Variants in GRB14 observed in about 807,000 individuals in gnomAD.
The protein encoded by GRB14 is growth factor receptor-bound protein 14.
Under a neutral mutation model 69.1 loss-of-function variants are expected in GRB14, and 38 were observed. The observed-to-expected ratio is 0.55, with a 90% confidence interval of 0.42 to 0.72. The LOEUF (loss-of-function observed/expected upper bound fraction) is 0.72. Ranked by LOEUF, GRB14 falls within the 30% of genes least tolerant of loss-of-function variation. The probability of loss-of-function intolerance (pLI) is 0.00; values close to 1 mark genes in which losing one functional copy is unlikely to be tolerated. For synonymous variants in GRB14, 247 were observed against 241.3 expected (o/e 1.02, Z -0.22); for missense variants, 666 against 666.1 (o/e 1.00, Z 0.00).
At chr2:164,577,385 T>C (rs1259339476) in intron 2 of GRB14, among the ~76,000 whole-genome samples, 1 of 152,220 alleles carries the variant, frequency 6.6e-6, no homozygotes, top group East Asian at 1.9e-4. Flanking sequence ...GGGAGGGATC[T>C]GGTATGAACA....
intron 2 of GRB14, among the ~76,000 whole-genome samples, chr2:164,571,639 T>G (rs6752548): frequency 0.019 from 2,843 of 152,234 alleles, 111 homozygotes; most frequent in African/African-American, 0.065. Flanking sequence ...ACCCATTATG[T>G]GCCAGGCACT....
chr2:164,586,076 C>T (rs534715354), intron 2 of GRB14, among the ~76,000 whole-genome samples: 5 of 152,180 alleles, frequency 3.3e-5, no homozygotes, highest in Admixed American at 2.0e-4. Context: ...AGAAATAGAA[C>T]CTCGAGTTAT....
At chr2:164,589,348 C>A (rs1689606777) in intron 2 of GRB14, among the ~76,000 whole-genome samples, 1 of 152,190 alleles carries the variant, frequency 6.6e-6, no homozygotes, top group East Asian at 1.9e-4. Flanking sequence ...ATCCTATATC[C>A]TTTGTCTTAG....
chr2:164,515,690 G>A (rs1174368000), intron 6 of GRB14, among the ~76,000 whole-genome samples: 1 of 151,582 alleles, frequency 6.6e-6, no homozygotes, highest in Non-Finnish European at 1.5e-5. Context: ...TAGCTCACCA[G>A]CAATGGATCC....
In GRB14 at chr2:164,619,732, C is replaced by A; in HGVS notation, c.279G>T (p.Val93=). ...PELCCSPFTS[V]LSADLFPKAN... Reference sequence around the variant, plus strand: ...CTTTGGGAAATAGGTCTGCTGACAACACAGATGTAAATGGAGAACAGCATA... The same window carrying A: ...CTTTGGGAAATAGGTCTGCTGACAAAACAGATGTAAATGGAGAACAGCATA... The change falls in exon 2 of 14, where the codon GTG becomes GTT. Residue 93 remains valine (V), a synonymous_variant. Transcript: ENST00000263915. 6.2e-7 allele frequency: 1 copy of A among 1,604,360 alleles called. No homozygotes were observed. Among genetic ancestry groups the A allele is most frequent in the Non-Finnish European group, 8.5e-7 (1 of 1,176,334 alleles).
chr2:164,605,442 T>A (rs1379943223), intron 2 of GRB14, among the ~76,000 whole-genome samples: 1 of 152,126 alleles, frequency 6.6e-6, no homozygotes. Flanking sequence ...GGCAGCCCAG[T>A]ATACAGATCT....
chr2:164,592,524 C>A (rs1689690491), intron 2 of GRB14, among the ~76,000 whole-genome samples: 1 of 152,156 alleles, frequency 6.6e-6, no homozygotes, highest in Non-Finnish European at 1.5e-5. Flanking sequence ...CCAGCTCTGA[C>A]ATGGAGGCCC....
intron 3 of GRB14, among the ~76,000 whole-genome samples, chr2:164,537,116 G>A (rs1688100354): frequency 6.6e-6 from 1 of 152,110 alleles, no homozygotes; most frequent in African/African-American, 2.4e-5. Flanking sequence ...TCAGATAGAT[G>A]GAAAGGGTGA....
intron 2 of GRB14, among the ~76,000 whole-genome samples, chr2:164,562,470 T>C (rs1291344200): frequency 6.6e-6 from 1 of 152,214 alleles, no homozygotes; most frequent in Non-Finnish European, 1.5e-5. Context: ...TTTCTCTCCC[T>C]GGCTGAAATC....
At position 164,619,760 on chromosome 2, in the gene GRB14, T is replaced by A. The variant is rs527661680; in HGVS notation, c.251A>T (p.Glu84Val). The A allele has an allele frequency of 5.6e-6, 9 of 1,610,386 alleles. No individual in the cohort carries two copies. In the Admixed American group the frequency reaches 8.4e-5, roughly 15 times the overall value. Residue 84 changes from glutamate (E) to valine (V), a missense_variant, in exon 2 of 14, where the codon GAG becomes GTG. By Grantham distance (121) the Glu-to-Val change is moderately radical. Transcript: ENST00000263915. ...AGATGTAAATGGAGAACAGCATAGC[T>A]CAGGAAAAGGGTTTGGAATAGATGG... is the stretch of plus-strand genomic sequence containing the variant. ...EMPSIPNPFP[E>V]LCCSPFTSVL...
intron 12 of GRB14, among the ~76,000 whole-genome samples, chr2:164,496,215 TAA>T (rs905216884): frequency 3.3e-5 from 5 of 152,168 alleles, no homozygotes; most frequent in Admixed American, 6.6e-5. Context: ...CTTTTGAAGA[TAA>T]AAGATCCCAT....
At chr2:164,612,566 C>T (rs1337478910) in intron 2 of GRB14, among the ~76,000 whole-genome samples, 4 of 152,192 alleles carry the variant, frequency 2.6e-5, no homozygotes, top group African/African-American at 9.6e-5. Flanking sequence ...AAGGACAATT[C>T]TCAGGTCTGC....
Position 164,547,772 on chromosome 2 carries a change from A to T in GRB14, c.369T>A (p.Asp123Glu). Residue 123 changes from aspartate (D) to glutamate (E), a missense_variant, in exon 3 of 14, where the codon GAT becomes GAA. Coordinates refer to ENST00000263915, the MANE Select transcript of GRB14 (RefSeq NM_004490.3). ...YSEDETSRAL[D>E]VPSDITARDV... is the part of the protein sequence containing the mutation. Reference sequence around the variant, plus strand: ...CTCGAGCCGTTATGTCACTGGGTACATCTAAAGCCCTGCTGGTTTCATCTT... The same window carrying T: ...CTCGAGCCGTTATGTCACTGGGTACTTCTAAAGCCCTGCTGGTTTCATCTT... The T allele has an allele frequency of 6.2e-7, 1 of 1,613,846 alleles. No individual in the cohort carries two copies. The highest frequency in any genetic ancestry group is 8.5e-7 in the Non-Finnish European group (1 of 1,179,782).
At chr2:164,544,161 A>G (rs1688307802) in intron 3 of GRB14, among the ~76,000 whole-genome samples, 1 of 152,216 alleles carries the variant, frequency 6.6e-6, no homozygotes. Context: ...TCCAGAAAAT[A>G]CAGTAATAAA....
chr2:164,552,285 TA>T (rs1412355904), intron 2 of GRB14, among the ~76,000 whole-genome samples: 4 of 152,248 alleles, frequency 2.6e-5, no homozygotes, highest in African/African-American at 9.6e-5. Context: ...TCTTTATTCA[TA>T]ATTTATCATT....
chr2:164,603,334 T>C (rs1689966658), intron 2 of GRB14, among the ~76,000 whole-genome samples: 1 of 152,212 alleles, frequency 6.6e-6, no homozygotes, highest in Non-Finnish European at 1.5e-5. Context: ...AATTGTGCTA[T>C]GTCAAAAACC....
intron 2 of GRB14, among the ~76,000 whole-genome samples, chr2:164,548,196 T>C (rs1688435725): frequency 6.6e-6 from 1 of 152,212 alleles, no homozygotes; most frequent in Admixed American, 6.5e-5. Flanking sequence ...CACTGTTTTG[T>C]TCTCTATCTC....
intron 2 of GRB14, among the ~76,000 whole-genome samples, chr2:164,569,228 T>C (rs1689066518): frequency 6.6e-6 from 1 of 152,202 alleles, no homozygotes; most frequent in Non-Finnish European, 1.5e-5. Flanking sequence ...TTTGCATTTC[T>C]TCTCATAAAA....
At chr2:164,557,282 G>C (rs1464642881) in intron 2 of GRB14, among the ~76,000 whole-genome samples, 1 of 152,122 alleles carries the variant, frequency 6.6e-6, no homozygotes, top group Admixed American at 6.6e-5. Flanking sequence ...CCTGAGGAGG[G>C]GGTGCCTTCA....
Sources: gnomAD v4.1 joint callset for allele counts (sites outside exome capture counted in the v4.1 genomes callset) on GRCh38, gnomAD v4.1.1 for gene constraint, MANE v1.5 for transcripts, NCBI Gene and HGNC (gene_info 2026-07-23, HGNC 2026-07-21) for gene names.